The following TRIO variants were observed in gnomAD, a reference collection of about 807,000 sequenced individuals.
TRIO encodes trio Rho guanine nucleotide exchange factor.
In TRIO, 58 loss-of-function variants were observed where a neutral mutation model predicts 351.9. The ratio of observed to expected loss-of-function variants is 0.16; its 90% confidence interval spans 0.13 to 0.21. TRIO has a LOEUF of 0.21. TRIO is among the 10% of genes least tolerant of loss of function. TRIO has a pLI of 1.00. For synonymous variants in TRIO, 1,758 were observed against 1,595.7 expected (o/e 1.10, Z -2.42); for missense variants, 3,201 against 4,027.8 (o/e 0.79, Z 5.56).
At chr5:14,328,490 AC>A (rs1740609839) in intron 9 of TRIO, among the ~76,000 whole-genome samples, 1 of 152,226 alleles carries the variant, frequency 6.6e-6, no homozygotes, top group Non-Finnish European at 1.5e-5. Flanking sequence ...CGCTCAATAC[AC>A]GAGTTAAAAT....
At chr5:14,160,841 A>T (rs1341852587) in intron 1 of TRIO, among the ~76,000 whole-genome samples, 3 of 152,162 alleles carry the variant, frequency 2.0e-5, no homozygotes, top group Non-Finnish European at 2.9e-5. Context: ...CTCCCACTGA[A>T]GCTCCTCTTT....
chr5:14,289,127 C>T (rs994008410), intron 4 of TRIO, among the ~76,000 whole-genome samples: 1 of 152,102 alleles, frequency 6.6e-6, no homozygotes, highest in African/African-American at 2.4e-5. Flanking sequence ...GTGGCTCATG[C>T]CTGTAATCCC....
At chr5:14,378,380 CA>C (rs1380174094) in intron 20 of TRIO, among the ~76,000 whole-genome samples, 2 of 152,176 alleles carry the variant, frequency 1.3e-5, no homozygotes, top group Non-Finnish European at 2.9e-5. Flanking sequence ...CAGCAAAGTA[CA>C]AGTAATAATG....
intron 1 of TRIO, among the ~76,000 whole-genome samples, chr5:14,209,144 A>G (rs374337489): frequency 1.3e-5 from 2 of 152,362 alleles, no homozygotes; most frequent in East Asian, 1.9e-4. Context: ...GCTAGTGCCG[A>G]TAACTTACAG....
intron 11 of TRIO, among the ~76,000 whole-genome samples, chr5:14,350,256 T>TA (rs1243259615): frequency 1.6e-4 from 24 of 152,314 alleles, no homozygotes; most frequent in East Asian, 3.9e-4. Flanking sequence ...AAAGAGGAAT[T>TA]ACACTTTGGC....
At chr5:14,488,806 T>C (rs1756247002) in intron 48 of TRIO, 1 of 628,746 alleles carries the variant, frequency 1.6e-6, no homozygotes, top group African/African-American at 1.8e-5. Flanking sequence ...ATCTGTCCAC[T>C]GGGAACGCTT....
At chr5:14,212,323 G>C (rs1039101702) in intron 1 of TRIO, among the ~76,000 whole-genome samples, 25 of 151,996 alleles carry the variant, frequency 1.6e-4, no homozygotes, top group African/African-American at 5.6e-4. Flanking sequence ...TGTTGATTTG[G>C]TGCCTGGGCT....
At chr5:14,361,915 C>G (rs556915447) in intron 13 of TRIO, among the ~76,000 whole-genome samples, 2 of 152,258 alleles carry the variant, frequency 1.3e-5, no homozygotes, top group African/African-American at 2.4e-5. Flanking sequence ...GTCAGGAGTT[C>G]GAGACCAGCC....
chr5:14,307,054 G>A (rs1738434316), intron 8 of TRIO, among the ~76,000 whole-genome samples: 1 of 152,186 alleles, frequency 6.6e-6, no homozygotes, highest in Non-Finnish European at 1.5e-5. Context: ...AGGATTTTCA[G>A]TAGAACAGAA....
intron 33 of TRIO, 120 bp from the exon 34 acceptor site, chr5:14,419,658 A>G: frequency 1.5e-6 from 2 of 1,374,448 alleles, no homozygotes; most frequent in Non-Finnish European, 2.0e-6. Flanking sequence ...ACAACCTCGG[A>G]GCACTCAGCT....
chr5:14,402,312 A>G (rs1748139202), intron 31 of TRIO, among the ~76,000 whole-genome samples: 1 of 152,200 alleles, frequency 6.6e-6, no homozygotes, highest in East Asian at 1.9e-4. Flanking sequence ...TTCATTTAGG[A>G]TGTCGTAAAT....
At chr5:14,375,754 T>C (rs1745503256) in intron 19 of TRIO, among the ~76,000 whole-genome samples, 1 of 152,202 alleles carries the variant, frequency 6.6e-6, no homozygotes, top group African/African-American at 2.4e-5. Context: ...CCGAAATTAG[T>C]ACTGGCTCAG....
chr5:14,157,750 A>G (rs967590679), intron 1 of TRIO, among the ~76,000 whole-genome samples: 1 of 151,840 alleles, frequency 6.6e-6, no homozygotes, highest in African/African-American at 2.4e-5. Context: ...ACACCCAGCT[A>G]ATTTTTGTAT....
At chr5:14,195,698 C>T (rs775617913) in intron 1 of TRIO, among the ~76,000 whole-genome samples, 2 of 152,128 alleles carry the variant, frequency 1.3e-5, no homozygotes, top group Admixed American at 6.5e-5. Flanking sequence ...AGAGCTTTCC[C>T]TTCTCATTGA....
chr5:14,495,917 G>A (rs1318496138), intron 49 of TRIO, among the ~76,000 whole-genome samples: 4 of 152,054 alleles, frequency 2.6e-5, no homozygotes, highest in African/African-American at 4.8e-5. Flanking sequence ...GCAGTGAGCC[G>A]AGTTCGCGCC....
intron 34 of TRIO, among the ~76,000 whole-genome samples, chr5:14,450,893 T>G (rs970199350): frequency 4.6e-5 from 7 of 152,176 alleles, no homozygotes; most frequent in African/African-American, 1.7e-4. Flanking sequence ...GAATCTTTCT[T>G]TTCCAGAGGA....
intron 6 of TRIO, among the ~76,000 whole-genome samples, chr5:14,296,791 C>T (rs936303252): frequency 1.3e-5 from 2 of 152,138 alleles, no homozygotes; most frequent in African/African-American, 4.8e-5. Context: ...TTGTGTGCAC[C>T]CACTTGTGTA....
intron 11 of TRIO, 22 bp downstream of exon 11, chr5:14,336,749 A>G: frequency 1.2e-6 from 2 of 1,613,246 alleles, no homozygotes; most frequent in Non-Finnish European, 8.5e-7. Flanking sequence ...GGAGACCAAA[A>G]TATGATCTGT....
intron 33 of TRIO, among the ~76,000 whole-genome samples, chr5:14,414,964 T>A (rs116791607): frequency 2.6e-5 from 4 of 152,186 alleles, no homozygotes; most frequent in African/African-American, 7.2e-5. Flanking sequence ...ATAGTTACCC[T>A]TTTTTGTAAC....
Sources: allele counts gnomAD v4.1 joint callset (sites outside exome capture counted in the v4.1 genomes callset), GRCh38; gene constraint gnomAD v4.1.1; transcripts MANE v1.5; gene names NCBI Gene and HGNC (gene_info 2026-07-23, HGNC 2026-07-21).